The following ZSCAN25 variants were observed in gnomAD, a reference collection of about 807,000 sequenced individuals.
ZSCAN25 encodes zinc finger and SCAN domain containing 25.
A neutral mutation model predicts 38.7 loss-of-function variants in ZSCAN25; 27 were observed. The observed-to-expected ratio is 0.70, with a 90% CI of 0.51 to 0.96. ZSCAN25 has a LOEUF of 0.96. Among genes scored for constraint, ZSCAN25 ranks in the 40% least tolerant of loss-of-function variants. ZSCAN25 has a pLI of 0.00. For synonymous variants in ZSCAN25, 273 were observed against 277.7 expected, an observed-to-expected ratio of 0.98 and a Z score of 0.17; for missense variants, 637 against 705.9, an observed-to-expected ratio of 0.90 and a Z score of 1.11.
chr7:99,686,940 A>G, the ZSCAN25 span, among the ~76,000 whole-genome samples: 1 of 152,154 alleles, frequency 6.6e-6, no homozygotes, highest in African/African-American at 2.4e-5. Flanking sequence ...CCTCTAGCAA[A>G]CTCCAACAGA....
At chr7:99,708,949 T>C in the ZSCAN25 span, 44 of 1,445,278 alleles carry the variant, frequency 3.0e-5, 2 homozygotes, top group East Asian at 1.4e-4. Flanking sequence ...CAAACGATTG[T>C]ACAAGCCCAG....
the ZSCAN25 span, among the ~76,000 whole-genome samples, chr7:99,710,489 G>T: frequency 6.6e-6 from 1 of 152,146 alleles, no homozygotes; most frequent in African/African-American, 2.4e-5. Flanking sequence ...TTTTTACTTA[G>T]CATTATTGTG....
chr7:99,635,702 A>G (rs1338860827), downstream of ZSCAN25, among the ~76,000 whole-genome samples: 1 of 152,202 alleles, frequency 6.6e-6, no homozygotes, highest in Non-Finnish European at 1.5e-5. Flanking sequence ...TTAAGACACA[A>G]AAAAGTGGCT....
the ZSCAN25 span, among the ~76,000 whole-genome samples, chr7:99,736,791 G>A: frequency 4.6e-5 from 7 of 152,300 alleles, no homozygotes; most frequent in Non-Finnish European, 7.3e-5. Context: ...CCTGGCCTCA[G>A]CAGGTGAACA....
chr7:99,678,185 C>G, the ZSCAN25 span, among the ~76,000 whole-genome samples: 1 of 152,374 alleles, frequency 6.6e-6, no homozygotes, highest in African/African-American at 2.4e-5. Flanking sequence ...CGGCCCACAA[C>G]ATGGCAGACC....
chr7:99,681,126 A>T, the ZSCAN25 span, among the ~76,000 whole-genome samples: 1 of 152,232 alleles, frequency 6.6e-6, no homozygotes, highest in African/African-American at 2.4e-5. Flanking sequence ...ATTACAGATA[A>T]CAGGATCTCA....
chr7:99,633,692 A>G (rs559434065), downstream of ZSCAN25, among the ~76,000 whole-genome samples: 4 of 152,242 alleles, frequency 2.6e-5, no homozygotes, highest in Admixed American at 2.6e-4. Context: ...TGGCCTTGCA[A>G]AGTATTGAGA....
At chr7:99,693,712 G>A in the ZSCAN25 span, among the ~76,000 whole-genome samples, 6 of 152,258 alleles carry the variant, frequency 3.9e-5, no homozygotes, top group Non-Finnish European at 5.9e-5. Flanking sequence ...GGCACCTGCC[G>A]ATCGAGGCAC....
the ZSCAN25 span, among the ~76,000 whole-genome samples, chr7:99,678,892 T>C: frequency 6.6e-6 from 1 of 152,140 alleles, no homozygotes; most frequent in Non-Finnish European, 1.5e-5. Context: ...CTACCCACAG[T>C]GGAAAGTAAC....
the ZSCAN25 span, among the ~76,000 whole-genome samples, chr7:99,702,986 AT>A: frequency 5.3e-5 from 8 of 152,172 alleles, no homozygotes; most frequent in South Asian, 1.7e-3. Context: ...ATTCTTAGGT[AT>A]TTAGTTTTAT....
chr7:99,620,071 C>A, intron 4 of ZSCAN25, 78 bp downstream of exon 4: 5 of 1,473,596 alleles, frequency 3.4e-6, no homozygotes, highest in Non-Finnish European at 3.6e-6. Context: ...TTTGAGGAAG[C>A]AGTAGGAGTG....
the ZSCAN25 span, among the ~76,000 whole-genome samples, chr7:99,670,144 G>A: frequency 6.6e-6 from 1 of 152,190 alleles, no homozygotes; most frequent in Non-Finnish European, 1.5e-5. Context: ...AAGGCAAAAT[G>A]TAAAGATTTT....
the ZSCAN25 span, among the ~76,000 whole-genome samples, chr7:99,667,604 T>C: frequency 1.1e-4 from 17 of 152,366 alleles, no homozygotes; most frequent in Admixed American, 2.6e-4. Context: ...TCTTTTCTCT[T>C]AATTTTTTAT....
the ZSCAN25 span, chr7:99,672,868 A>G: frequency 7.1e-7 from 1 of 1,400,676 alleles, no homozygotes; most frequent in Middle Eastern, 1.9e-4. Flanking sequence ...GGAGCCACCC[A>G]AGGCTTCATA....
At chr7:99,669,196 G>A in the ZSCAN25 span, among the ~76,000 whole-genome samples, 24 of 152,302 alleles carry the variant, frequency 1.6e-4, 1 homozygote, top group East Asian at 4.6e-3. Flanking sequence ...TTTTCTTGTT[G>A]AGGCAAATAG....
chr7:99,633,876 G>A (rs1808156781), downstream of ZSCAN25, among the ~76,000 whole-genome samples: 1 of 152,184 alleles, frequency 6.6e-6, no homozygotes, highest in Non-Finnish European at 1.5e-5. Context: ...CTCATTGACA[G>A]CTTCTTTGCT....
the ZSCAN25 span, among the ~76,000 whole-genome samples, chr7:99,653,703 C>G: frequency 2.6e-5 from 4 of 152,256 alleles, no homozygotes; most frequent in Non-Finnish European, 5.9e-5. The surrounding 1 kb of genome is among the most constrained non-coding windows in gnomAD (Gnocchi z 4.2). Flanking sequence ...TTTGTGTCTG[C>G]CTCACAGCCA....
the ZSCAN25 span, among the ~76,000 whole-genome samples, chr7:99,677,817 T>C: frequency 6.6e-6 from 1 of 152,198 alleles, no homozygotes; most frequent in Non-Finnish European, 1.5e-5. Flanking sequence ...TAATCTCTGC[T>C]CCTGAACTTT....
chr7:99,699,820 A>G, the ZSCAN25 span: 1 of 586,838 alleles, frequency 1.7e-6, no homozygotes. Flanking sequence ...AAGATCAATA[A>G]TAACCTCTAT....
Sources: gnomAD v4.1 joint callset for allele counts (sites outside exome capture counted in the v4.1 genomes callset) on GRCh38, gnomAD v4.1.1 for gene constraint, Gnocchi (gnomAD v3.1) non-coding constraint, MANE v1.5 for transcripts, NCBI Gene and HGNC (gene_info 2026-07-23, HGNC 2026-07-21) for gene names.